Variants in CREBBP observed in about 807,000 individuals in gnomAD.
The protein encoded by CREBBP is CREB-binding protein.
In CREBBP, 19 loss-of-function variants were observed where a neutral mutation model predicts 265.0. The ratio of observed to expected loss-of-function variants is 0.07; its 90% CI spans 0.05 to 0.11. The LOEUF is 0.11. Among genes scored for constraint, CREBBP ranks in the 10% least tolerant of loss-of-function variants. The pLI is 1.00. For synonymous variants in CREBBP, 1,457 were observed against 1,223.7 expected (o/e 1.19, Z -3.98); for missense variants, 2,525 against 3,219.0 (o/e 0.78, Z 5.22).
intron 30 of CREBBP, chr16:3,730,684 A>C (rs1643022139): frequency 5.4e-6 from 1 of 185,362 alleles, no homozygotes; most frequent in Non-Finnish European, 1.1e-5. Flanking sequence ...GCAAGTGAGG[A>C]GGCTCCGGGT....
In CREBBP at chr16:3,849,442, T is replaced by TGTGTGTGTGTGTGTG. The variant is rs1567360505; in HGVS notation, c.798+840_798+854dup. ...GTGTGTGTGTGTGTGTGTGTGTGTG[T>TGTGTGTGTGTGTGTG]GTGTGTGTGTGTGTGTGTGTGTGTG... On this transcript the variant is annotated intron_variant, in intron 2 of 30. Transcript: ENST00000262367. 8.5e-4 allele frequency among the ~76,000 whole-genome samples: 16 copies of TGTGTGTGTGTGTGTG among 18,714 alleles called. 1 individual carries two copies. Among genetic ancestry groups the TGTGTGTGTGTGTGTG allele is most frequent in the South Asian group, 6.5e-3 (2 of 310 alleles). The allele number at this position is 18,714 out of a possible 152,430, so 12.3% of individuals were successfully genotyped here.
In CREBBP at chr16:3,728,998, G is replaced by C; in HGVS notation, c.6049C>G (p.Pro2017Ala). 6.3e-7 allele frequency: 1 copy of C among 1,594,084 alleles called. No individual in the cohort carries two copies. The highest frequency in any genetic ancestry group is 1.1e-5 in the South Asian group (1 of 89,960). Residue 2017 changes from proline (P) to alanine (A), a missense_variant, in exon 31 of 31, where the codon CCT becomes GCT. This residue lies in a region of CREBBP where 275 missense variants were observed against 276.5 expected (regional missense o/e 0.99). Transcript: ENST00000262367. The surrounding 1 kb of genome is among the most constrained non-coding windows in gnomAD (Gnocchi z 8.7). The part of the protein sequence containing the change: ...QVSGPVMPSM[P>A]PGQWQQAPLP... ...GGCGCCTGCTGCCACTGCCCGGGAG[G>C]CATGCTGGGCATGACGGGCCCGCTC...
rs190601763 is a variant in CREBBP, at chr16:3,873,597, T to G, written c.85+6235A>C. On this transcript the variant is annotated intron_variant, in intron 1 of 30. Coordinates refer to ENST00000262367, the MANE Select transcript of CREBBP (RefSeq NM_004380.3). Reference sequence around the variant, plus strand: ...GGTTAACGCTAGTGTCAGTTCCCATTGGGCGGATATGCCAGACACACATCA... The same window carrying G: ...GGTTAACGCTAGTGTCAGTTCCCATGGGGCGGATATGCCAGACACACATCA... Among the ~76,000 whole-genome samples, 25 of 152,296 alleles carry G rather than the reference T, an allele frequency of 1.6e-4. No homozygotes were observed. The East Asian group carries it at 4.4e-3, about 27-fold the overall frequency.
intron 16 of CREBBP, among the ~76,000 whole-genome samples, chr16:3,762,778 C>CATTTTT (rs1342771954): frequency 1.3e-5 from 2 of 151,796 alleles, no homozygotes; most frequent in Non-Finnish European, 2.9e-5. Flanking sequence ...ACCCTGGTCA[C>CATTTTT]ATTTTTATTT....
chr16:3,815,025 C>T (rs2054011703), intron 2 of CREBBP, among the ~76,000 whole-genome samples: 1 of 152,234 alleles, frequency 6.6e-6, no homozygotes, highest in Non-Finnish European at 1.5e-5. Flanking sequence ...TGCACTGGTC[C>T]TAGCCTGCAG....
At chr16:3,745,657 A>G in intron 21 of CREBBP, 1 of 447,460 alleles carries the variant, frequency 2.2e-6, no homozygotes. Context: ...CATATTTCAC[A>G]GGCCGGTATT....
At chr16:3,770,113 G>A (rs925566446) in intron 14 of CREBBP, among the ~76,000 whole-genome samples, 2 of 152,050 alleles carry the variant, frequency 1.3e-5, no homozygotes, top group Non-Finnish European at 2.9e-5. Context: ...CCGGTGATCC[G>A]CCTGCCTCAG....
intron 23 of CREBBP, chr16:3,742,439 T>C (rs534581121): frequency 1.1e-4 from 17 of 152,348 alleles, no homozygotes; most frequent in African/African-American, 2.9e-4. Flanking sequence ...AATCTAAAAA[T>C]GAACACTTTA....
At chr16:3,806,052 G>C (rs1567327881) in intron 3 of CREBBP, among the ~76,000 whole-genome samples, 1 of 152,212 alleles carries the variant, frequency 6.6e-6, no homozygotes, top group African/African-American at 2.4e-5. Flanking sequence ...GTGAGGCCCA[G>C]GAACTGCCAG....
intron 1 of CREBBP, among the ~76,000 whole-genome samples, chr16:3,865,558 A>C (rs2055159903): frequency 6.6e-6 from 1 of 152,158 alleles, no homozygotes; most frequent in Non-Finnish European, 1.5e-5. Flanking sequence ...AGCTAGGTGG[A>C]GGGAGGCTCT....
At chr16:3,876,961 C>T (rs1401846401) in intron 1 of CREBBP, among the ~76,000 whole-genome samples, 1 of 152,172 alleles carries the variant, frequency 6.6e-6, no homozygotes, top group Admixed American at 6.5e-5. Flanking sequence ...ATGTCGGGTG[C>T]ATTTTTCTCT....
intron 11 of CREBBP, among the ~76,000 whole-genome samples, chr16:3,777,019 A>G (rs1480889447): frequency 6.7e-6 from 1 of 149,582 alleles, no homozygotes; most frequent in African/African-American, 2.5e-5. Flanking sequence ...CTCTGTCTCA[A>G]AAAAATAAAA....
intron 2 of CREBBP, among the ~76,000 whole-genome samples, chr16:3,833,411 CAAAA>C: frequency 6.6e-6 from 1 of 152,158 alleles, no homozygotes; most frequent in East Asian, 1.9e-4. Context: ...GAGTCCATCT[CAAAA>C]GAAACCCAAA....
intron 13 of CREBBP, among the ~76,000 whole-genome samples, chr16:3,773,000 A>G (rs896302206): frequency 6.6e-6 from 1 of 151,854 alleles, no homozygotes; most frequent in Non-Finnish European, 1.5e-5. Context: ...AGGCAGGAGA[A>G]TCGCTTGAAC....
At chr16:3,785,102 A>G (rs2053355346) in intron 5 of CREBBP, among the ~76,000 whole-genome samples, 1 of 152,200 alleles carries the variant, frequency 6.6e-6, no homozygotes, top group East Asian at 1.9e-4. Context: ...ACAAATACTG[A>G]AGGGTAAGGG....
At chr16:3,816,290 T>C (rs2054034790) in intron 2 of CREBBP, among the ~76,000 whole-genome samples, 1 of 152,212 alleles carries the variant, frequency 6.6e-6, no homozygotes, top group South Asian at 2.1e-4. Context: ...CTGTTTTCTA[T>C]CACTTCACTC....
In CREBBP at chr16:3,729,118, T is replaced by C. The variant is rs1253600516; in HGVS notation, c.5929A>G (p.Ile1977Val). 1.3e-6 allele frequency: 2 copies of C among 1,578,880 alleles called. No individual in the cohort carries two copies. Among genetic ancestry groups the C allele is most frequent in the Non-Finnish European group, 1.7e-6 (2 of 1,168,794 alleles). The change falls in exon 31 of 31, where the codon ATC becomes GTC. Residue 1977 changes from isoleucine (I) to valine (V), a missense_variant. This residue lies in a region of CREBBP where 275 missense variants were observed against 276.5 expected (regional missense o/e 0.99). Coordinates refer to ENST00000262367, the MANE Select transcript of CREBBP (RefSeq NM_004380.3). ...QQQQHLYRVN[I>V]NNSMPPGRTG... Reference sequence around the variant, plus strand: ...CGTCCTGGGGGCATGCTGTTGTTGATGTTCACCCGGTACAGGTGCTGCTGC... The same window carrying C: ...CGTCCTGGGGGCATGCTGTTGTTGACGTTCACCCGGTACAGGTGCTGCTGC...
In CREBBP at chr16:3,879,725, G is replaced by T. The variant is rs981004795; in HGVS notation, c.85+107C>A. The T allele has an allele frequency of 1.2e-5, 15 of 1,232,506 alleles. No individual in the cohort carries two copies. In the African/African-American group the frequency reaches 2.1e-4, roughly 17 times the overall value. The allele number at this position is 1,232,506 out of a possible 1,614,324, so 76.3% of individuals were successfully genotyped here. A position where few individuals can be genotyped will look rare whatever the true frequency, so the allele number is the denominator to read the frequency against. On this transcript the variant is annotated intron_variant, in intron 1 of 30. Coordinates refer to ENST00000262367, the MANE Select transcript of CREBBP (RefSeq NM_004380.3). ...GGGAACGGGCTGCGGGGCCTGCTCC[G>T]AGCTCCCGGCTCGATCGGTATCCGC... is the stretch of plus-strand genomic sequence containing the variant.
In CREBBP at chr16:3,727,619, G is replaced by A; in HGVS notation, c.*99C>T. ...CAATCCACCCTTCCATGGCTCGGAAGTCGCAGTTCCATCTAGGAATAAAAA... is the reference window on the plus strand; with the variant it reads ...CAATCCACCCTTCCATGGCTCGGAAATCGCAGTTCCATCTAGGAATAAAAA... On this transcript the variant is annotated 3_prime_UTR_variant, in exon 31 of 31. Coordinates refer to ENST00000262367, the MANE Select transcript of CREBBP (RefSeq NM_004380.3). 4 of 1,601,626 alleles carry A rather than the reference G, an allele frequency of 2.5e-6. No individual in the cohort carries two copies. Among genetic ancestry groups the A allele is most frequent in the African/African-American group, 1.3e-5 (1 of 74,368 alleles).
Sources: allele counts gnomAD v4.1 joint callset (sites outside exome capture counted in the v4.1 genomes callset), GRCh38; gene constraint gnomAD v4.1.1; regional missense constraint gnomAD v4.1.1; non-coding constraint Gnocchi (gnomAD v3.1); transcripts MANE v1.5; gene names NCBI Gene and HGNC (gene_info 2026-07-23, HGNC 2026-07-21).